CPS1: variants seen among roughly 807,000 people sequenced by gnomAD.
The protein encoded by CPS1 is carbamoyl-phosphate synthase 1, also known as carbamoyl-phosphate synthase [ammonia], mitochondrial.
In CPS1, 109 loss-of-function variants were observed where a neutral mutation model predicts 174.6. The observed-to-expected ratio is 0.62, with a 90% CI of 0.53 to 0.73. The LOEUF (loss-of-function observed/expected upper bound fraction) is 0.73, where lower values mean the gene tolerates loss of function less well. Among genes scored for constraint, CPS1 ranks in the 30% least tolerant of loss-of-function variants. CPS1 has a pLI of 0.00. For synonymous variants in CPS1, 637 were observed against 632.0 expected (o/e 1.01, Z -0.12); for missense variants, 1,689 against 1,821.9 (o/e 0.93, Z 1.33).
intron 6 of CPS1, among the ~76,000 whole-genome samples, chr2:210,585,742 T>C (rs1698087268): frequency 1.3e-5 from 2 of 151,982 alleles, no homozygotes; most frequent in East Asian, 3.9e-4. Context: ...TAAGTTTACA[T>C]TGTTTCACTC....
At chr2:210,587,910 CTGTT>C (rs1698162081) in intron 6 of CPS1, 144 bp from the exon 7 acceptor site, 4 of 783,466 alleles carry the variant, frequency 5.1e-6, no homozygotes, top group South Asian at 2.7e-5. Flanking sequence ...TTCTTACAAA[CTGTT>C]TGTTAACTGC....
At chr2:210,638,867 A>G (rs1700119796) in intron 22 of CPS1, among the ~76,000 whole-genome samples, 1 of 152,184 alleles carries the variant, frequency 6.6e-6, no homozygotes, top group Non-Finnish European at 1.5e-5. Context: ...AAGTCTTCCT[A>G]GTAACCAGTT....
intron 1 of CPS1, among the ~76,000 whole-genome samples, chr2:210,540,566 C>T (rs1360602807): frequency 1.3e-5 from 2 of 152,158 alleles, no homozygotes; most frequent in Admixed American, 6.5e-5. Flanking sequence ...CTATGAGTCA[C>T]TGAGAGAATT....
rs1695374043 is a variant in CPS1, at chr2:210,509,059, C to G, written c.3+31293C>G. On this transcript the variant is annotated intron_variant, in intron 1 of 38. Transcript: ENST00000430249. The stretch of plus-strand genomic sequence containing the variant: ...GCCAGCATCATCCTGATACCAAAGC[C>G]TGGCAGAGACACAACAAAAAAAGAG... 1.3e-5 allele frequency among the ~76,000 whole-genome samples: 2 copies of G among 152,120 alleles called. 1 individual carries two copies. Among genetic ancestry groups the G allele is most frequent in the South Asian group, 4.1e-4 (2 of 4,832 alleles).
chr2:210,599,785 C>T (rs988283910), intron 14 of CPS1, among the ~76,000 whole-genome samples: 2 of 151,948 alleles, frequency 1.3e-5, no homozygotes, highest in Non-Finnish European at 2.9e-5. Flanking sequence ...CACTTTAATG[C>T]TCCAGAGTGG....
chr2:210,669,962 T>C (rs1701242547), intron 34 of CPS1, among the ~76,000 whole-genome samples: 1 of 152,066 alleles, frequency 6.6e-6, no homozygotes. Context: ...TGCAGGGAAA[T>C]GTGAAGCAAA....
chr2:210,515,201 T>C (rs1363915462), intron 1 of CPS1, among the ~76,000 whole-genome samples: 1 of 151,878 alleles, frequency 6.6e-6, no homozygotes, highest in Admixed American at 6.6e-5. Context: ...ATCAGGTGAA[T>C]GCTGGCTTCA....
chr2:210,602,259 G>A lies in CPS1; in HGVS notation c.1765G>A (p.Ala589Thr), dbSNP rs777233486. 7 of 1,612,502 alleles carry A rather than the reference G, an allele frequency of 4.3e-6. No individual in the cohort carries two copies. The highest frequency in any genetic ancestry group is 2.2e-5 in the South Asian group (2 of 91,068). Residue 589 changes from alanine to threonine, a missense_variant, in exon 16 of 38, where the codon GCC (alanine) becomes ACC (threonine). Ala to Thr is a moderately conservative substitution (Grantham distance 58). Coordinates refer to ENST00000233072, the MANE Select transcript of CPS1 (RefSeq NM_001875.5). ...TIGYPVMIRS[A>T]YALGGLGSGI... ...TGGCTACCCAGTGATGATCCGTTCC[G>A]CCTATGCACTGGGTGGGTTAGGCTC...
intron 3 of CPS1, 85 bp downstream of exon 3, chr2:210,576,575 T>C (rs370174990): frequency 7.9e-6 from 11 of 1,398,704 alleles, no homozygotes; most frequent in East Asian, 2.3e-5. Context: ...GGCCAAACTT[T>C]CTTCCTCAAT....
At chr2:210,569,150 C>A (rs539577924) in intron 1 of CPS1, among the ~76,000 whole-genome samples, 146 of 151,746 alleles carry the variant, frequency 9.6e-4, no homozygotes, top group Non-Finnish European at 1.7e-3. Context: ...AGAAGCAGAC[C>A]CAATACTCTG....
At chr2:210,538,860 A>G (rs1696327109) in intron 1 of CPS1, among the ~76,000 whole-genome samples, 1 of 152,182 alleles carries the variant, frequency 6.6e-6, no homozygotes. Flanking sequence ...GAAACATTAC[A>G]AATAAGTTTA....
At chr2:210,481,693 A>T (rs988918427) in intron 1 of CPS1, among the ~76,000 whole-genome samples, 4 of 152,250 alleles carry the variant, frequency 2.6e-5, no homozygotes, top group Non-Finnish European at 5.9e-5. Flanking sequence ...ACATTTTCCT[A>T]CTTGCCTAGT....
At chr2:210,649,017 A>G (rs1700477655) in intron 27 of CPS1, among the ~76,000 whole-genome samples, 2 of 152,232 alleles carry the variant, frequency 1.3e-5, no homozygotes, top group African/African-American at 2.4e-5. Context: ...AGGATCTTTT[A>G]TATTAAACTT....
chr2:210,554,241 A>ATG (rs1231480050), upstream of CPS1, among the ~76,000 whole-genome samples: 3 of 147,858 alleles, frequency 2.0e-5, no homozygotes, highest in African/African-American at 7.5e-5. Context: ...ATATGTATGT[A>ATG]TATATATACA....
chr2:210,478,857 T>C (rs1023234540), intron 1 of CPS1, among the ~76,000 whole-genome samples: 2 of 151,690 alleles, frequency 1.3e-5, no homozygotes, highest in Non-Finnish European at 2.9e-5. Context: ...ATGTGACTTG[T>C]AAACACCCAA....
intron 1 of CPS1, among the ~76,000 whole-genome samples, chr2:210,511,736 C>A (rs1322703446): frequency 1.3e-5 from 2 of 152,042 alleles, no homozygotes; most frequent in Non-Finnish European, 2.9e-5. Flanking sequence ...GAGCTATTAC[C>A]AGATCCACCT....
chr2:210,590,951 A>G (rs1295728530), intron 9 of CPS1, 45 bp downstream of exon 9: 1 of 1,463,570 alleles, frequency 6.8e-7, no homozygotes, highest in Non-Finnish European at 9.5e-7. Flanking sequence ...GCTCTGACAT[A>G]CTAACTAAAT....
chr2:210,492,562 A>C (rs190581156), intron 1 of CPS1, among the ~76,000 whole-genome samples: 1 of 151,324 alleles, frequency 6.6e-6, no homozygotes, highest in Non-Finnish European at 1.5e-5. Context: ...TTTAGAAGAT[A>C]CTTTTTTTTT....
At chr2:210,548,939 A>G (rs1228656965) in intron 1 of CPS1, among the ~76,000 whole-genome samples, 2 of 152,086 alleles carry the variant, frequency 1.3e-5, no homozygotes, top group Non-Finnish European at 2.9e-5. Context: ...CATTCCGCTG[A>G]AAATAGGAGG....
Sources: allele counts gnomAD v4.1 joint callset (sites outside exome capture counted in the v4.1 genomes callset), GRCh38; gene constraint gnomAD v4.1.1; transcripts MANE v1.5; gene names NCBI Gene and HGNC (gene_info 2026-07-23, HGNC 2026-07-21).